Variants in PHACTR4 observed in about 807,000 individuals in gnomAD.
PHACTR4 encodes the protein protein phosphatase 1, regulatory subunit 124.
Under a neutral mutation model 72.7 loss-of-function variants are expected in PHACTR4, and 51 were observed. The ratio of observed to expected loss-of-function variants is 0.70; its 90% confidence interval spans 0.56 to 0.89. The LOEUF (loss-of-function observed/expected upper bound fraction) is 0.89, where lower values mean the gene tolerates loss of function less well. PHACTR4 is among the 40% of genes least tolerant of loss of function. PHACTR4 has a pLI of 0.00. For synonymous variants in PHACTR4, 255 were observed against 302.5 expected (o/e 0.84, Z 1.63); for missense variants, 731 against 861.8 (o/e 0.85, Z 1.90).
intron 7 of PHACTR4, among the ~76,000 whole-genome samples, chr1:28,475,117 T>C (rs1659842214): frequency 6.6e-6 from 1 of 151,604 alleles, no homozygotes; most frequent in South Asian, 2.1e-4. Flanking sequence ...ACCCAGCTAA[T>C]TTTTATATTT....
At chr1:28,460,719 G>T (rs1164280639) in intron 4 of PHACTR4, among the ~76,000 whole-genome samples, 1 of 152,164 alleles carries the variant, frequency 6.6e-6, no homozygotes, top group African/African-American at 2.4e-5. Flanking sequence ...ATGTTGGTCA[G>T]GCTGGTCTTG....
Position 28,497,541 on chromosome 1 carries a change from A to C in PHACTR4, c.*992A>C, listed in dbSNP as rs1661430581. On this transcript the variant is annotated 3_prime_UTR_variant, in exon 14 of 14. Coordinates refer to ENST00000373839, the MANE Select transcript of PHACTR4 (RefSeq NM_001048183.3). ...TGGGACTCTGTCTTAAAAAAAAAAA[A>C]AAAAAAAAAATCGGTTAGATGAGAA... 1 of 151,624 alleles carries C rather than the reference A, an allele frequency of 6.6e-6. No individual in the cohort carries two copies. Among genetic ancestry groups the C allele is most frequent in the South Asian group, 2.1e-4 (1 of 4,818 alleles). The allele number at this position is 151,624 out of a possible 1,614,324, so 9.4% of individuals were successfully genotyped here.
chr1:28,433,459 T>C (rs1029579069), intron 2 of PHACTR4, among the ~76,000 whole-genome samples: 4 of 134,172 alleles, frequency 3.0e-5, no homozygotes, highest in Admixed American at 1.5e-4. Context: ...TTTTTCTTTT[T>C]TTCTTTTTTT....
intron 8 of PHACTR4, among the ~76,000 whole-genome samples, chr1:28,478,052 C>A (rs866850583): frequency 6.6e-6 from 1 of 152,092 alleles, no homozygotes; most frequent in African/African-American, 2.4e-5. Context: ...TCTCCCCCAT[C>A]CCCTCTACCC....
intron 2 of PHACTR4, among the ~76,000 whole-genome samples, chr1:28,423,408 CAAATAAATAAATAAATAAATAAAT>C (rs148724281): frequency 0.096 from 14,112 of 147,646 alleles, 1,460 homozygotes; most frequent in African/African-American, 0.27. Context: ...GATCCTGCCT[CAAATAAATAAATAAATAAATAAAT>C]AAATAAATAA....
At chr1:28,399,558 G>A (rs1339644756) in intron 1 of PHACTR4, among the ~76,000 whole-genome samples, 1 of 152,088 alleles carries the variant, frequency 6.6e-6, no homozygotes, top group African/African-American at 2.4e-5. Context: ...CTCGGACTAT[G>A]TAGTACTGTT....
intron 2 of PHACTR4, chr1:28,433,145 A>G (rs1048049390): frequency 9.7e-6 from 9 of 928,602 alleles, no homozygotes; most frequent in Non-Finnish European, 1.0e-5. Context: ...TAAGTACTCT[A>G]AAAAGGGAGT....
intron 2 of PHACTR4, among the ~76,000 whole-genome samples, chr1:28,452,350 TA>T (rs1014574468): frequency 2.0e-5 from 3 of 151,752 alleles, no homozygotes; most frequent in Admixed American, 6.6e-5. Context: ...TACAAAAAAT[TA>T]AAAAATTAGC....
chr1:28,378,978 A>T (rs1331291331), intron 1 of PHACTR4, among the ~76,000 whole-genome samples: 1 of 152,096 alleles, frequency 6.6e-6, no homozygotes, highest in African/African-American at 2.4e-5. Context: ...TTTAAGACAG[A>T]GTCTTGCTCT....
At chr1:28,492,191 C>CT (rs984256383) in intron 12 of PHACTR4, among the ~76,000 whole-genome samples, 10 of 152,164 alleles carry the variant, frequency 6.6e-5, no homozygotes, top group South Asian at 4.1e-4. Context: ...AATCCTAGCA[C>CT]TTTGGGAGGC....
intron 2 of PHACTR4, among the ~76,000 whole-genome samples, chr1:28,414,362 G>T (rs1203384458): frequency 6.8e-6 from 1 of 147,496 alleles, no homozygotes; most frequent in Non-Finnish European, 1.5e-5. Context: ...CTCTGCAGCT[G>T]GCCTTATTTT....
chr1:28,380,668 A>G (rs903248227), intron 1 of PHACTR4, among the ~76,000 whole-genome samples: 14 of 152,206 alleles, frequency 9.2e-5, no homozygotes, highest in Non-Finnish European at 1.5e-4. Context: ...TGCAAAGGAC[A>G]TGATCTTGTT....
At chr1:28,389,546 C>T (rs144669305) in intron 1 of PHACTR4, among the ~76,000 whole-genome samples, 3,249 of 149,512 alleles carry the variant, frequency 0.022, 137 homozygotes, top group African/African-American at 0.076. Flanking sequence ...GACGCAATCT[C>T]GGCTCACTGC....
At chr1:28,398,979 G>T (rs549018652) in intron 1 of PHACTR4, among the ~76,000 whole-genome samples, 130 of 152,168 alleles carry the variant, frequency 8.5e-4, no homozygotes, top group African/African-American at 3.0e-3. Context: ...CGGAAGACAC[G>T]TTAGCCAAGC....
chr1:28,372,242 C>T (rs557096083), intron 1 of PHACTR4, among the ~76,000 whole-genome samples: 26 of 152,012 alleles, frequency 1.7e-4, no homozygotes, highest in Non-Finnish European at 2.9e-4. Context: ...TAGGTTAATT[C>T]GTGTTTCAAG....
intron 2 of PHACTR4, among the ~76,000 whole-genome samples, chr1:28,419,491 TAC>T (rs1252899080): frequency 1.3e-5 from 2 of 151,778 alleles, no homozygotes; most frequent in Non-Finnish European, 2.9e-5. Context: ...TGTGTATATA[TAC>T]ACACACACAC....
At chr1:28,441,055 A>T (rs532437557) in intron 2 of PHACTR4, among the ~76,000 whole-genome samples, 2 of 152,190 alleles carry the variant, frequency 1.3e-5, no homozygotes, top group Non-Finnish European at 2.9e-5. Flanking sequence ...TTGATTTATT[A>T]TTACTTTCAG....
chr1:28,449,514 A>G (rs185366771), intron 2 of PHACTR4, among the ~76,000 whole-genome samples: 73 of 152,218 alleles, frequency 4.8e-4, no homozygotes, highest in African/African-American at 1.6e-3. Context: ...CCGAAGATGA[A>G]AGGTGCTAAG....
chr1:28,388,414 G>C (rs532187216), intron 1 of PHACTR4, among the ~76,000 whole-genome samples: 2 of 152,158 alleles, frequency 1.3e-5, no homozygotes, highest in Non-Finnish European at 2.9e-5. Flanking sequence ...AGTCCACGTA[G>C]GTATGGTCAA....
Sources: allele counts gnomAD v4.1 joint callset (sites outside exome capture counted in the v4.1 genomes callset), GRCh38; gene constraint gnomAD v4.1.1; transcripts MANE v1.5; gene names NCBI Gene and HGNC (gene_info 2026-07-23, HGNC 2026-07-21).